PPP6R2: variants seen among roughly 807,000 people sequenced by gnomAD.
PPP6R2 encodes the protein serine/threonine-protein phosphatase 6 regulatory subunit 2.
PPP6R2 carries 62 observed loss-of-function variants against 100.2 expected under a neutral mutation model. That is an observed-to-expected ratio of 0.62 (90% CI 0.50 to 0.76). The LOEUF is 0.76. PPP6R2 is among the 30% of genes least tolerant of loss of function. The pLI, the probability that PPP6R2 is intolerant of heterozygous loss-of-function variation, is 0.00. For missense variants in PPP6R2, 1,142 were observed against 1,276.3 expected, an observed-to-expected ratio of 0.89 and a Z score of 1.60; for synonymous variants, 525 against 514.7, an observed-to-expected ratio of 1.02 and a Z score of -0.27.
At chr22:50,434,917 G>T in intron 12 of PPP6R2, 49 bp from the exon 13 acceptor site, 1 of 1,540,792 alleles carries the variant, frequency 6.5e-7, no homozygotes, top group South Asian at 1.2e-5. Flanking sequence ...TCGTGGGTCT[G>T]GCAAGGTCGG....
intron 22 of PPP6R2, among the ~76,000 whole-genome samples, chr22:50,441,541 G>A (rs2065624698): frequency 6.6e-6 from 1 of 152,202 alleles, no homozygotes; most frequent in Non-Finnish European, 1.5e-5. Flanking sequence ...ATGATTCCGA[G>A]ACGCCTCAGA....
At chr22:50,334,846 A>G in the PPP6R2 span, among the ~76,000 whole-genome samples, 1 of 152,048 alleles carries the variant, frequency 6.6e-6, no homozygotes, top group Admixed American at 6.6e-5. Flanking sequence ...GCGTGCCTGT[A>G]GTCCCAGCTA....
chr22:50,431,097 G>A lies in PPP6R2; in HGVS notation c.1126-76G>A. On this transcript the variant is annotated intron_variant, in intron 10 of 23. Coordinates refer to ENST00000612753, the MANE Select transcript of PPP6R2 (RefSeq NM_001242898.2). This position sits in a 1 kb window ranked among gnomAD's most constrained non-coding sequence, Gnocchi z 4.8. ...AGTTAGGACGCCACCTTTAGGAAGGGTTTCCCTCAGCTTTGTGGTGTAGCC... is the reference window on the plus strand; with the variant it reads ...AGTTAGGACGCCACCTTTAGGAAGGATTTCCCTCAGCTTTGTGGTGTAGCC... 1 of 1,262,756 alleles carries A rather than the reference G, an allele frequency of 7.9e-7. No individual in the cohort carries two copies. The highest frequency in any genetic ancestry group is 1.3e-5 in the South Asian group (1 of 76,712). The allele number at this position is 1,262,756 out of a possible 1,614,324, so 78.2% of individuals were successfully genotyped here. A position where few individuals can be genotyped will look rare whatever the true frequency, so the allele number is the denominator to read the frequency against.
At chr22:50,338,900 TGGTGTGTGTG>T (rs879566738), upstream of PPP6R2, among the ~76,000 whole-genome samples, 11,670 of 121,302 alleles carry the variant, frequency 0.096, 678 homozygotes, top group East Asian at 0.17. Flanking sequence ...GGGGTATGTG[TGGTGTGTGTG>T]GTAGTGTGTG....
chr22:50,444,479 C>G lies in PPP6R2; in HGVS notation c.*232C>G, dbSNP rs145471981. ...CTGGAGGACAGAGGGGCACCTCAGCCGCCCCCAAGCCCAGAGCACAGCAAT... is the reference window on the plus strand; with the variant it reads ...CTGGAGGACAGAGGGGCACCTCAGCGGCCCCCAAGCCCAGAGCACAGCAAT... On this transcript the variant is annotated 3_prime_UTR_variant, in exon 24 of 24. Coordinates refer to ENST00000612753, the MANE Select transcript of PPP6R2 (RefSeq NM_001242898.2). 3 of 531,544 alleles carry G rather than the reference C, an allele frequency of 5.6e-6. No individual in the cohort carries two copies. In the African/African-American group the frequency reaches 5.9e-5, roughly 11 times the overall value. The allele number at this position is 531,544 out of a possible 1,614,324, so 32.9% of individuals were successfully genotyped here.
At chr22:50,376,704 G>A (rs913910972) in intron 2 of PPP6R2, among the ~76,000 whole-genome samples, 6 of 151,972 alleles carry the variant, frequency 3.9e-5, no homozygotes, top group Admixed American at 2.6e-4. Context: ...AATTACAGGC[G>A]TGATCTAGCA....
chr22:50,359,217 CTTTTT>C (rs368586121), intron 1 of PPP6R2, among the ~76,000 whole-genome samples: 1 of 129,172 alleles, frequency 7.7e-6, no homozygotes, highest in Admixed American at 8.1e-5. Flanking sequence ...CCAGGCTGGT[CTTTTT>C]TTTTTTTTTT....
chr22:50,374,369 A>G lies in PPP6R2; in HGVS notation c.-17+2219A>G, dbSNP rs965080748. 2.1e-4 allele frequency among the ~76,000 whole-genome samples: 32 copies of G among 152,274 alleles called. No individual in the cohort carries two copies. In the East Asian group the frequency reaches 3.1e-3, roughly 15 times the overall value. ...AAACCCACCAAAATTCAACATATGG[A>G]TTAAACAGATTAAACACAGATGCAG... On this transcript the variant is annotated intron_variant, in intron 2 of 23. Coordinates refer to ENST00000612753, the MANE Select transcript of PPP6R2 (RefSeq NM_001242898.2).
In PPP6R2 at chr22:50,432,455, C is replaced by T. The variant is rs1216878107; in HGVS notation, c.1400+126C>T. 5.1e-5 allele frequency: 44 copies of T among 865,136 alleles called. No homozygotes were observed. In the Middle Eastern group the frequency reaches 1.0e-3, roughly 21 times the overall value. 53.6% of individuals were successfully genotyped at this position (865,136 alleles called of 1,614,324 possible). Reference sequence around the variant, plus strand: ...ATCGGGTGGAGTGTAGGGTGTGCGACGTGGCTCCACGTTCTGGGGCTGCTG... The same window carrying T: ...ATCGGGTGGAGTGTAGGGTGTGCGATGTGGCTCCACGTTCTGGGGCTGCTG... On this transcript the variant is annotated intron_variant, in intron 12 of 23. Transcript: ENST00000612753.
intron 1 of PPP6R2, among the ~76,000 whole-genome samples, chr22:50,363,971 T>C (rs2048270408): frequency 6.6e-6 from 1 of 151,504 alleles, no homozygotes; most frequent in Admixed American, 6.6e-5. Flanking sequence ...CTCGGCCCAC[T>C]GCAACCTTTG....
Position 50,351,913 on chromosome 22 carries a change from C to T in PPP6R2, c.-148+8363C>T, listed in dbSNP as rs189956940. Among the ~76,000 whole-genome samples the T allele has an allele frequency of 1.2e-4, 19 of 152,312 alleles. No homozygotes were observed. The East Asian group carries it at 3.7e-3, about 29-fold the overall frequency. On this transcript the variant is annotated intron_variant, in intron 1 of 23. Coordinates refer to ENST00000612753, the MANE Select transcript of PPP6R2 (RefSeq NM_001242898.2). ...GGTTCATGCCATTCTCCTGCCTCAGCCTCCCCAGCAGCTGGGACTACAGGT... is the reference window on the plus strand; with the variant it reads ...GGTTCATGCCATTCTCCTGCCTCAGTCTCCCCAGCAGCTGGGACTACAGGT...
rs1481135674 is a variant in PPP6R2 at position 50,431,449 on chromosome 22, C to T, written c.1335+67C>T. 11 of 1,421,642 alleles carry T rather than the reference C, an allele frequency of 7.7e-6. No individual in the cohort carries two copies. Among genetic ancestry groups the T allele is most frequent in the South Asian group, 2.4e-5 (2 of 83,088 alleles). The allele number at this position is 1,421,642 out of a possible 1,614,324, so 88.1% of individuals were successfully genotyped here. A position where few individuals can be genotyped will look rare whatever the true frequency, so the allele number is the denominator to read the frequency against. Reference sequence around the variant, plus strand: ...CCCACTCAGACCGTGTCCATGTCAGCGCTGACGTGTGCCGGACCTCACTGT... The same window carrying T: ...CCCACTCAGACCGTGTCCATGTCAGTGCTGACGTGTGCCGGACCTCACTGT... On this transcript the variant is annotated intron_variant, in intron 11 of 23. Coordinates refer to ENST00000612753, the MANE Select transcript of PPP6R2 (RefSeq NM_001242898.2). This position sits in a 1 kb window ranked among gnomAD's most constrained non-coding sequence, Gnocchi z 4.8.
At chr22:50,384,930 T>C (rs946258422) in intron 2 of PPP6R2, among the ~76,000 whole-genome samples, 5 of 152,048 alleles carry the variant, frequency 3.3e-5, no homozygotes, top group Non-Finnish European at 7.4e-5. Context: ...TTGTTTTCCA[T>C]AGAGACAGGG....
Position 50,356,026 on chromosome 22 carries a change from G to A in PPP6R2, c.-148+12476G>A, listed in dbSNP as rs1352843132. ...CACTCAGGCTGGAGTGCAGTGGCGC[G>A]ATCTCGGCTCACTGCAAGCTCCGCC... On this transcript the variant is annotated intron_variant, in intron 1 of 23. Transcript: ENST00000612753. Among the ~76,000 whole-genome samples, 4 of 149,508 alleles carry A rather than the reference G, an allele frequency of 2.7e-5. No homozygotes were observed. In the East Asian group the frequency reaches 8.0e-4, roughly 30 times the overall value.
At chr22:50,373,185 C>G (rs2050656973) in intron 2 of PPP6R2, among the ~76,000 whole-genome samples, 1 of 151,378 alleles carries the variant, frequency 6.6e-6, no homozygotes, top group African/African-American at 2.4e-5. Context: ...TTACGAGGCT[C>G]TTCCATTGCA....
intron 2 of PPP6R2, among the ~76,000 whole-genome samples, chr22:50,376,334 A>G (rs1225684349): frequency 2.0e-5 from 3 of 152,130 alleles, no homozygotes; most frequent in Non-Finnish European, 4.4e-5. Context: ...AAACCCCCAG[A>G]AAATGAAAAC....
chr22:50,355,966 T>C (rs1394726267), intron 1 of PPP6R2, among the ~76,000 whole-genome samples: 1 of 136,516 alleles, frequency 7.3e-6, no homozygotes, highest in East Asian at 2.1e-4. Context: ...TGTATTTCCC[T>C]CTTTTTTTTT....
In PPP6R2 at chr22:50,419,470, T is replaced by C; in HGVS notation, c.845+8T>C. On this transcript the variant is annotated splice_region_variant and intron_variant, in intron 8 of 23. Transcript: ENST00000612753. Reference sequence around the variant, plus strand: ...GGAAACCAGGCGGGTTGGGTGAGTCTCACGAGGAGAAATCGTGTAGAGCTG... The same window carrying C: ...GGAAACCAGGCGGGTTGGGTGAGTCCCACGAGGAGAAATCGTGTAGAGCTG... The C allele has an allele frequency of 1.2e-6, 2 of 1,603,036 alleles. No individual in the cohort carries two copies. The highest frequency in any genetic ancestry group is 8.5e-7 in the Non-Finnish European group (1 of 1,170,216).
intron 3 of PPP6R2, among the ~76,000 whole-genome samples, chr22:50,397,336 G>A (rs2057113028): frequency 6.6e-6 from 1 of 152,188 alleles, no homozygotes. Flanking sequence ...ATTACCCTGT[G>A]ACTCGGAGGG....
Sources: gnomAD v4.1 joint callset for allele counts (sites outside exome capture counted in the v4.1 genomes callset) on GRCh38, gnomAD v4.1.1 for gene constraint, Gnocchi (gnomAD v3.1) non-coding constraint, MANE v1.5 for transcripts, NCBI Gene and HGNC (gene_info 2026-07-23, HGNC 2026-07-21) for gene names.